Variants in QRICH1 observed in about 807,000 individuals in gnomAD.
QRICH1 encodes glutamine rich 1, also known as transcriptional regulator QRICH1.
QRICH1 carries 16 observed loss-of-function variants against 87.1 expected under a neutral mutation model. The ratio of observed to expected loss-of-function variants is 0.18; its 90% CI spans 0.12 to 0.28. QRICH1 has a LOEUF of 0.28. Ranked by LOEUF, QRICH1 falls within the 10% of genes least tolerant of loss-of-function variation. The probability of loss-of-function intolerance (pLI) is 1.00; values close to 1 mark genes in which losing one functional copy is unlikely to be tolerated. For synonymous variants in QRICH1, 367 were observed against 368.4 expected (o/e 1.00, Z 0.05); for missense variants, 647 against 951.7 (o/e 0.68, Z 4.21).
intron 3 of QRICH1, among the ~76,000 whole-genome samples, chr3:49,048,615 C>T (rs1315067590): frequency 6.6e-6 from 1 of 150,872 alleles, no homozygotes; most frequent in African/African-American, 2.4e-5. Context: ...GGTGAAACCC[C>T]ATCTCTACTA....
At chr3:49,037,520 T>C (rs544381136) in intron 6 of QRICH1, among the ~76,000 whole-genome samples, 22 of 152,234 alleles carry the variant, frequency 1.4e-4, no homozygotes, top group Non-Finnish European at 2.5e-4. Context: ...TTGCCTGAGC[T>C]CAAGAGTTCG....
At chr3:49,045,509 C>G (rs1044425968) in intron 5 of QRICH1, among the ~76,000 whole-genome samples, 15 of 152,136 alleles carry the variant, frequency 9.9e-5, no homozygotes, top group African/African-American at 3.4e-4. Flanking sequence ...TAGCTGAATG[C>G]AGCCTCGCAC....
chr3:49,032,430 G>A (rs2093246941), intron 8 of QRICH1, 157 bp from the exon 9 acceptor site: 2 of 852,056 alleles, frequency 2.3e-6, no homozygotes, highest in Non-Finnish European at 1.8e-6. Flanking sequence ...TAAGGGAAGA[G>A]GCAGCTATTC....
chr3:49,049,301 C>T (rs1376535738), intron 3 of QRICH1, among the ~76,000 whole-genome samples: 2 of 151,522 alleles, frequency 1.3e-5, no homozygotes, highest in Non-Finnish European at 2.9e-5. Flanking sequence ...AAAAATTAGC[C>T]AGGCATAGTG....
chr3:49,088,625 T>G (rs1279426041), intron 1 of QRICH1, among the ~76,000 whole-genome samples: 9 of 148,628 alleles, frequency 6.1e-5, no homozygotes, highest in Middle Eastern at 3.4e-3. Context: ...TCTGTTTTTT[T>G]TTTTTTTTTT....
chr3:49,035,297 C>T (rs2093268197), intron 6 of QRICH1, among the ~76,000 whole-genome samples: 2 of 152,160 alleles, frequency 1.3e-5, no homozygotes, highest in Non-Finnish European at 2.9e-5. Context: ...GTCTTCAAAT[C>T]TTGGGCTGAA....
chr3:49,049,026 C>T (rs756211405), intron 3 of QRICH1, among the ~76,000 whole-genome samples: 12 of 151,486 alleles, frequency 7.9e-5, no homozygotes, highest in East Asian at 4.0e-4. Flanking sequence ...CTCAGCCTCC[C>T]GAGTAGCTAG....
chr3:49,032,361 G>A (rs978644301), intron 8 of QRICH1, 88 bp from the exon 9 acceptor site: 2 of 958,334 alleles, frequency 2.1e-6, no homozygotes, highest in South Asian at 2.8e-5. Context: ...CTTTCAGCCA[G>A]CCCAACTAGG....
intron 4 of QRICH1, 124 bp downstream of exon 4, chr3:49,046,945 C>T (rs1402030731): frequency 2.7e-6 from 3 of 1,119,900 alleles, no homozygotes; most frequent in East Asian, 4.7e-5. Context: ...ATTCAACATA[C>T]TATTACAGAT....
rs1333196014 is a variant in QRICH1 at position 49,094,022 on chromosome 3, C to G, written c.-132G>C. On this transcript the variant is annotated 5_prime_UTR_variant, in exon 1 of 10. Transcript: ENST00000395443. ...GTCGCTCCAAGACCGACAGGGTTTT[C>G]TCCTCACAGCTCCCTGGGCGCCATC... 2 of 398,642 alleles carry G rather than the reference C, an allele frequency of 5.0e-6. No homozygotes were observed. The highest frequency in any genetic ancestry group is 3.6e-5 in the East Asian group (1 of 28,084). 24.7% of individuals were successfully genotyped at this position (398,642 alleles called of 1,614,324 possible). A position where few individuals can be genotyped will look rare whatever the true frequency, so the allele number is the denominator to read the frequency against.
chr3:49,070,668 C>G (rs2093495429), intron 2 of QRICH1, among the ~76,000 whole-genome samples: 1 of 152,140 alleles, frequency 6.6e-6, no homozygotes, highest in Admixed American at 6.6e-5. Context: ...CTCCTGGGCT[C>G]AAGTCATCTA....
intron 3 of QRICH1, among the ~76,000 whole-genome samples, chr3:49,055,171 T>A (rs984903223): frequency 6.6e-6 from 1 of 152,206 alleles, no homozygotes; most frequent in Non-Finnish European, 1.5e-5. Context: ...TAGGATAATA[T>A]GATACTGCCT....
At chr3:49,092,865 T>C (rs1246711189) in intron 1 of QRICH1, among the ~76,000 whole-genome samples, 2 of 152,204 alleles carry the variant, frequency 1.3e-5, no homozygotes, top group African/African-American at 4.8e-5. Context: ...GATTCTCAGG[T>C]TGTTCCATTT....
chr3:49,059,397 AG>A, intron 2 of QRICH1, among the ~76,000 whole-genome samples: 1 of 151,326 alleles, frequency 6.6e-6, no homozygotes, highest in Admixed American at 6.6e-5. Flanking sequence ...CTAGAACTAC[AG>A]GAACACCACC....
At position 49,085,879 on chromosome 3, in the gene QRICH1, A is replaced by G. The variant is rs142718469; in HGVS notation, c.-22+8033T>C. On this transcript the variant is annotated intron_variant, in intron 1 of 9. Transcript: ENST00000395443. ...CAAAAGTTGAGCCTTCGTAATAAAG[A>G]GAAATGGAGAAACTTCTAAAAGAGA... Among the ~76,000 whole-genome samples the G allele has an allele frequency of 4.8e-3, 733 of 152,224 alleles. 6 individuals carry two copies. The highest frequency in any genetic ancestry group is 0.017 in the African/African-American group (702 of 41,570).
chr3:49,033,170 C>A lies in QRICH1; in HGVS notation c.1845G>T (p.Gly615=), dbSNP rs182630132. Reference sequence around the variant, plus strand: ...TCAGCAAGGTGGAGGGGGAGTGAGCCCCAAGCTGCTTGCACTCCCATAGCA... The same window carrying A: ...TCAGCAAGGTGGAGGGGGAGTGAGCACCAAGCTGCTTGCACTCCCATAGCA... The part of the protein sequence containing the change: ...EEMLWECKQL[G]AHSPSTLLTT... The change falls in exon 7 of 10, where the codon GGG becomes GGT. Residue 615 remains glycine (G), a synonymous_variant. Transcript: ENST00000395443. The A allele has an allele frequency of 1.1e-4, 177 of 1,587,004 alleles. No individual in the cohort carries two copies. The East Asian group carries it at 4.1e-3, about 37-fold the overall frequency.
At chr3:49,064,765 C>T (rs933208882) in intron 2 of QRICH1, among the ~76,000 whole-genome samples, 1 of 152,092 alleles carries the variant, frequency 6.6e-6, no homozygotes, top group African/African-American at 2.4e-5. Flanking sequence ...CGTATAATCT[C>T]AGCACTTTGG....
intron 1 of QRICH1, among the ~76,000 whole-genome samples, chr3:49,088,517 C>T (rs528792798): frequency 2.0e-5 from 3 of 150,854 alleles, no homozygotes; most frequent in South Asian, 2.1e-4. Context: ...AGGCTGTTCT[C>T]GAACTCCTGA....
Position 49,057,049 on chromosome 3 carries a change from AAG to A in QRICH1, c.1149_1150del (p.Phe384SerfsTer70), listed in dbSNP as rs1376687924. ...GTTGCCATTCATGAACTGTGCTGGAAAGAGAGAGTTTGCAAGGGTCTGCACTA... is the reference window on the plus strand; with the variant it reads ...GTTGCCATTCATGAACTGTGCTGGAAAGAGAGTTTGCAAGGGTCTGCACTA... On this transcript the variant is annotated frameshift_variant, in exon 3 of 10. Coordinates refer to ENST00000395443, the MANE Select transcript of QRICH1 (RefSeq NM_198880.3). LOFTEE classifies it high-confidence loss of function. The surrounding 1 kb of genome is among the most constrained non-coding windows in gnomAD (Gnocchi z 5.4). 1 of 1,614,220 alleles carries A rather than the reference AAG, an allele frequency of 6.2e-7. No homozygotes were observed.
Sources: allele counts gnomAD v4.1 joint callset (sites outside exome capture counted in the v4.1 genomes callset), GRCh38; gene constraint gnomAD v4.1.1; non-coding constraint Gnocchi (gnomAD v3.1); transcripts MANE v1.5; gene names NCBI Gene and HGNC (gene_info 2026-07-23, HGNC 2026-07-21).